NRG2: variants seen among roughly 807,000 people sequenced by gnomAD.
The protein encoded by NRG2 is neuregulin 2, also known as pro-neuregulin-2, membrane-bound isoform.
NRG2 carries 27 observed loss-of-function variants against 73.9 expected under a neutral mutation model. The ratio of observed to expected loss-of-function variants is 0.37; its 90% CI spans 0.27 to 0.50. The LOEUF is 0.50. Ranked by LOEUF, NRG2 falls within the 20% of genes least tolerant of loss-of-function variation. NRG2 has a pLI of 0.96. For synonymous variants in NRG2, 532 were observed against 541.0 expected, an observed-to-expected ratio of 0.98 and a Z score of 0.23; for missense variants, 1,126 against 1,210.1, an observed-to-expected ratio of 0.93 and a Z score of 1.03.
At chr5:140,014,556 C>T (rs1006545530) in intron 1 of NRG2, among the ~76,000 whole-genome samples, 2 of 151,994 alleles carry the variant, frequency 1.3e-5, no homozygotes, top group African/African-American at 4.8e-5. Context: ...TTTTTTACTC[C>T]TCCTTTTCTG....
intron 9 of NRG2, 43 bp from the exon 10 acceptor site, chr5:139,848,740 C>G (rs766308973): frequency 1.7e-4 from 68 of 403,312 alleles, no homozygotes; most frequent in South Asian, 1.7e-3. Flanking sequence ...CAGGCCGGGC[C>G]GGCGCGGGGG....
intron 1 of NRG2, among the ~76,000 whole-genome samples, chr5:139,981,437 TCCTTAA>T (rs1013538915): frequency 2.0e-5 from 3 of 152,276 alleles, no homozygotes; most frequent in Admixed American, 2.0e-4. Context: ...CTCTTACGGA[TCCTTAA>T]CCCGCCATGC....
At chr5:139,918,822 TAGAG>T (rs2127214495) in intron 1 of NRG2, among the ~76,000 whole-genome samples, 1 of 152,104 alleles carries the variant, frequency 6.6e-6, no homozygotes, top group East Asian at 1.9e-4. Context: ...GCAAGACTGC[TAGAG>T]AGAAAGTGTA....
chr5:139,864,865 G>T (rs1762381682), intron 5 of NRG2: 2 of 579,748 alleles, frequency 3.4e-6, no homozygotes, highest in African/African-American at 3.7e-5. Flanking sequence ...TGGCCAGGCT[G>T]CCCGACCCCA....
chr5:139,968,556 C>A (rs981921184), intron 1 of NRG2, among the ~76,000 whole-genome samples: 1 of 152,192 alleles, frequency 6.6e-6, no homozygotes, highest in Non-Finnish European at 1.5e-5. Flanking sequence ...CCTTCCTCCA[C>A]GCCTGCAGGG....
At chr5:139,884,489 G>A (rs1763738999) in intron 2 of NRG2, among the ~76,000 whole-genome samples, 1 of 152,208 alleles carries the variant, frequency 6.6e-6, no homozygotes, top group Admixed American at 6.5e-5. Flanking sequence ...GGCTGTACCT[G>A]GCATGCAGTA....
chr5:139,877,899 C>T (rs1763283692), intron 3 of NRG2, among the ~76,000 whole-genome samples: 3 of 152,242 alleles, frequency 2.0e-5, no homozygotes, highest in Non-Finnish European at 2.9e-5. Flanking sequence ...TCTGCCCTGC[C>T]GCTGCCCTGG....
intron 1 of NRG2, among the ~76,000 whole-genome samples, chr5:140,012,535 A>G (rs1231982707): frequency 1.3e-5 from 2 of 152,130 alleles, no homozygotes; most frequent in Non-Finnish European, 2.9e-5. Context: ...ACTGACTCTC[A>G]TGCTCATTCA....
chr5:139,864,901 G>T, intron 5 of NRG2: 2 of 624,934 alleles, frequency 3.2e-6, no homozygotes, highest in East Asian at 2.8e-5. Context: ...CCTGGGTGTG[G>T]CCCTGGCTGC....
At chr5:139,944,504 G>A (rs1423383447) in intron 1 of NRG2, among the ~76,000 whole-genome samples, 3 of 151,998 alleles carry the variant, frequency 2.0e-5, no homozygotes, top group Admixed American at 6.6e-5. Context: ...GTGAGAATGC[G>A]AACTGTTTAA....
chr5:140,019,035 A>T (rs2126662631), intron 1 of NRG2, among the ~76,000 whole-genome samples: 1 of 152,380 alleles, frequency 6.6e-6, no homozygotes, highest in South Asian at 2.1e-4. Context: ...AAAGGCAGGG[A>T]ATCACGGGGA....
intron 1 of NRG2, among the ~76,000 whole-genome samples, chr5:140,010,531 G>C (rs1167867422): frequency 1.3e-5 from 2 of 152,010 alleles, no homozygotes; most frequent in Non-Finnish European, 2.9e-5. Context: ...TACATGTGGG[G>C]GGCAGGGAGT....
At chr5:139,912,058 A>G (rs943914839) in intron 1 of NRG2, among the ~76,000 whole-genome samples, 20 of 152,274 alleles carry the variant, frequency 1.3e-4, no homozygotes, top group African/African-American at 4.3e-4. Context: ...CTAGCCTAGC[A>G]GAGGTAATGA....
intron 1 of NRG2, among the ~76,000 whole-genome samples, chr5:139,897,598 G>A (rs553179548): frequency 6.6e-6 from 1 of 152,148 alleles, no homozygotes; most frequent in Admixed American, 6.5e-5. Context: ...TCTGTCACTG[G>A]GTAGGTGTTC....
At chr5:139,873,015 C>T (rs1389568178) in intron 3 of NRG2, among the ~76,000 whole-genome samples, 2 of 152,096 alleles carry the variant, frequency 1.3e-5, no homozygotes, top group Non-Finnish European at 1.5e-5. Flanking sequence ...TCTCCACTCC[C>T]CTCAGTAATA....
At chr5:140,007,606 C>T (rs567833368) in intron 1 of NRG2, among the ~76,000 whole-genome samples, 12 of 152,272 alleles carry the variant, frequency 7.9e-5, no homozygotes, top group Admixed American at 2.6e-4. Flanking sequence ...CAGCACCCTA[C>T]TAGTCCTGGG....
rs569140267 is a variant in NRG2 at position 139,988,491 on chromosome 5, A to T, written c.700+53879T>A. ...AAAAAAGCTATCAAGCCATGAAAAG[A>T]TCTGGAGGAACCTTAAATCCATATT... On this transcript the variant is annotated intron_variant, in intron 1 of 9. Transcript: ENST00000361474. Among the ~76,000 whole-genome samples the T allele has an allele frequency of 2.6e-5, 4 of 152,140 alleles. No homozygotes were observed. In the East Asian group the frequency reaches 7.7e-4, roughly 29 times the overall value.
intron 1 of NRG2, among the ~76,000 whole-genome samples, chr5:140,020,704 G>C (rs887615935): frequency 2.0e-5 from 3 of 152,236 alleles, no homozygotes; most frequent in African/African-American, 7.2e-5. Context: ...ATTTTAGCAA[G>C]ATCGTCTCCT....
At chr5:139,908,691 G>A (rs1205038155) in intron 1 of NRG2, among the ~76,000 whole-genome samples, 3 of 152,208 alleles carry the variant, frequency 2.0e-5, no homozygotes, top group Admixed American at 6.5e-5. Context: ...CAAGAAGATA[G>A]GAGATGAGAG....
Sources: gnomAD v4.1 joint callset for allele counts (sites outside exome capture counted in the v4.1 genomes callset) on GRCh38, gnomAD v4.1.1 for gene constraint, MANE v1.5 for transcripts, NCBI Gene and HGNC (gene_info 2026-07-23, HGNC 2026-07-21) for gene names.